The following FRMD6 variants were observed in gnomAD, a reference collection of about 807,000 sequenced individuals.
FRMD6 encodes the protein FERM domain-containing protein 6.
In FRMD6, 37 loss-of-function variants were observed where a neutral mutation model predicts 73.2. That is an observed-to-expected ratio of 0.51 (90% CI 0.39 to 0.66). The LOEUF (loss-of-function observed/expected upper bound fraction) is 0.66. Among genes scored for constraint, FRMD6 ranks in the 30% least tolerant of loss-of-function variants. FRMD6 has a pLI of 0.00. For synonymous variants in FRMD6, 273 were observed against 282.2 expected, an observed-to-expected ratio of 0.97 and a Z score of 0.33; for missense variants, 714 against 780.5, an observed-to-expected ratio of 0.91 and a Z score of 1.02.
the FRMD6 span, among the ~76,000 whole-genome samples, chr14:51,403,206 T>C: frequency 1.1e-4 from 16 of 152,328 alleles, no homozygotes; most frequent in African/African-American, 3.4e-4. Context: ...ATCCTTTAAG[T>C]CCTCTGTAGG....
Position 51,703,100 on chromosome 14 carries a change from A to G in FRMD6, c.371+512A>G, listed in dbSNP as rs74052686. 2.4e-3 allele frequency among the ~76,000 whole-genome samples: 372 copies of G among 152,138 alleles called. 2 individuals are homozygous for G. The highest frequency in any genetic ancestry group is 8.6e-3 in the African/African-American group (358 of 41,546). On this transcript the variant is annotated intron_variant, in intron 5 of 13. Transcript: ENST00000344768. ...TATTCTTGGCAGTAGCCTTAAAACC[A>G]AGATTAAGCCCAGTGAAGCTATCCT...
At chr14:51,570,878 A>T (rs1037287831) in intron 2 of FRMD6, among the ~76,000 whole-genome samples, 1 of 152,222 alleles carries the variant, frequency 6.6e-6, no homozygotes, top group Admixed American at 6.5e-5. Flanking sequence ...ATCATACATT[A>T]TTCCAAACAT....
the FRMD6 span, among the ~76,000 whole-genome samples, chr14:51,409,555 A>G: frequency 1.1e-4 from 17 of 152,284 alleles, no homozygotes; most frequent in South Asian, 2.9e-3. Context: ...GCAAATGCCC[A>G]TGCTTAAAAG....
intron 2 of FRMD6, chr14:51,637,465 G>GCACACACACACACACA (rs113564495): frequency 7.5e-6 from 1 of 132,566 alleles, no homozygotes; most frequent in Non-Finnish European, 1.6e-5. Context: ...ATACACACAG[G>GCACACACACACACACA]CACACACACA....
chr14:51,417,437 C>A, the FRMD6 span, among the ~76,000 whole-genome samples: 1 of 152,176 alleles, frequency 6.6e-6, no homozygotes, highest in Non-Finnish European at 1.5e-5. Context: ...ATATGCAGTT[C>A]TGGGTTGAAA....
chr14:51,680,158 C>CA, intron 1 of FRMD6, among the ~76,000 whole-genome samples: 1 of 152,294 alleles, frequency 6.6e-6, no homozygotes. Context: ...CCTTATATTT[C>CA]AGGAGAAGGC....
At chr14:51,671,177 C>T (rs11622825) in intron 1 of FRMD6, among the ~76,000 whole-genome samples, 1,724 of 152,164 alleles carry the variant, frequency 0.011, 18 homozygotes, top group Non-Finnish European at 0.017. Flanking sequence ...AATCTCGTGT[C>T]TATGTTCATG....
the FRMD6 span, among the ~76,000 whole-genome samples, chr14:51,458,030 G>A: frequency 3.3e-5 from 5 of 152,158 alleles, no homozygotes; most frequent in Non-Finnish European, 7.4e-5. Flanking sequence ...CCTTTTTAAG[G>A]TGCCTTGGAA....
At chr14:51,422,230 G>A in the FRMD6 span, among the ~76,000 whole-genome samples, 2 of 152,042 alleles carry the variant, frequency 1.3e-5, no homozygotes, top group African/African-American at 4.8e-5. Context: ...TCACAAAATG[G>A]CCTTTGAAAA....
chr14:51,609,631 T>C (rs1019976415), intron 2 of FRMD6, among the ~76,000 whole-genome samples: 3 of 152,198 alleles, frequency 2.0e-5, no homozygotes, highest in Non-Finnish European at 4.4e-5. Flanking sequence ...AAAGAGCTTA[T>C]AGCATGTTTG....
chr14:51,581,898 A>G (rs78359202), intron 2 of FRMD6, among the ~76,000 whole-genome samples: 2,897 of 152,334 alleles, frequency 0.019, 85 homozygotes, highest in African/African-American at 0.066. Context: ...CCCAAAGAGT[A>G]GCAAATCCTC....
chr14:51,663,688 C>G (rs1332702096), intron 1 of FRMD6, among the ~76,000 whole-genome samples: 3 of 152,086 alleles, frequency 2.0e-5, no homozygotes, highest in Non-Finnish European at 4.4e-5. Flanking sequence ...GTACAGCAAA[C>G]CCCCATGACA....
chr14:51,506,786 G>A (rs1883987259), intron 1 of FRMD6, among the ~76,000 whole-genome samples: 2 of 152,018 alleles, frequency 1.3e-5, no homozygotes, highest in Non-Finnish European at 2.9e-5. Context: ...CTAACTACAG[G>A]CAGTTGACTA....
chr14:51,605,650 A>G (rs1208863243), intron 2 of FRMD6, among the ~76,000 whole-genome samples: 1 of 152,140 alleles, frequency 6.6e-6, no homozygotes, highest in African/African-American at 2.4e-5. Flanking sequence ...ATCTGCAGAA[A>G]TGGCACCCAG....
intron 2 of FRMD6, among the ~76,000 whole-genome samples, chr14:51,585,183 G>A (rs1010979210): frequency 1.3e-5 from 2 of 152,182 alleles, no homozygotes; most frequent in South Asian, 4.1e-4. Context: ...TTTAACATTA[G>A]CATGTTATTT....
At chr14:51,437,838 T>C in the FRMD6 span, among the ~76,000 whole-genome samples, 2 of 152,162 alleles carry the variant, frequency 1.3e-5, no homozygotes, top group Non-Finnish European at 2.9e-5. Context: ...ACAAAAACTG[T>C]ACAGAATCAA....
At chr14:51,490,616 T>TTGTGTGTGTG (rs58046471) in intron 1 of FRMD6, among the ~76,000 whole-genome samples, 3,023 of 147,944 alleles carry the variant, frequency 0.02, 39 homozygotes, top group African/African-American at 0.038. Flanking sequence ...TGTGTGTATT[T>TTGTGTGTGTG]TGTGTGTGTG....
At chr14:51,398,987 T>C in the FRMD6 span, among the ~76,000 whole-genome samples, 1 of 152,158 alleles carries the variant, frequency 6.6e-6, no homozygotes, top group Admixed American at 6.5e-5. Context: ...AGCCTGATGC[T>C]CCAGTTCTGT....
At chr14:51,709,638 A>T (rs1448049152) in intron 7 of FRMD6, among the ~76,000 whole-genome samples, 1 of 152,090 alleles carries the variant, frequency 6.6e-6, no homozygotes, top group Admixed American at 6.6e-5. Flanking sequence ...GTTCCATAAG[A>T]TCTGTTTGGC....
Sources: gnomAD v4.1 joint callset for allele counts (sites outside exome capture counted in the v4.1 genomes callset) on GRCh38, gnomAD v4.1.1 for gene constraint, MANE v1.5 for transcripts, NCBI Gene and HGNC (gene_info 2026-07-23, HGNC 2026-07-21) for gene names.